SLC4A4: variants seen among roughly 807,000 people sequenced by gnomAD.
SLC4A4 encodes solute carrier family 4 member 4.
In SLC4A4, 27 loss-of-function variants were observed where a neutral mutation model predicts 111.5. The ratio of observed to expected loss-of-function variants is 0.24; its 90% CI spans 0.18 to 0.33. SLC4A4 has a LOEUF of 0.33. SLC4A4 is among the 10% of genes least tolerant of loss of function. The probability of loss-of-function intolerance (pLI) is 1.00; values close to 1 mark genes in which losing one functional copy is unlikely to be tolerated. For missense variants in SLC4A4, 909 were observed against 1,315.5 expected (o/e 0.69, Z 4.78); for synonymous variants, 443 against 463.4 (o/e 0.96, Z 0.57).
At chr4:71,208,459 A>G (rs2149009634) in intron 1 of SLC4A4, among the ~76,000 whole-genome samples, 1 of 148,450 alleles carries the variant, frequency 6.7e-6, no homozygotes, top group African/African-American at 2.5e-5. Flanking sequence ...TATATATATA[A>G]TAAAACAATG....
chr4:71,116,286 G>C (rs542376477), intron 2 of SLC4A4, among the ~76,000 whole-genome samples: 3 of 152,130 alleles, frequency 2.0e-5, no homozygotes, highest in Admixed American at 6.6e-5. Context: ...AATGTACTTC[G>C]TAGCTTATGT....
chr4:71,141,782 G>T (rs1744005143), intron 2 of SLC4A4, among the ~76,000 whole-genome samples: 1 of 152,026 alleles, frequency 6.6e-6, no homozygotes, highest in Admixed American at 6.5e-5. Flanking sequence ...TTGGATGGAT[G>T]AATCAATTCA....
At chr4:71,131,038 C>T (rs1037637504) in intron 2 of SLC4A4, among the ~76,000 whole-genome samples, 15 of 152,168 alleles carry the variant, frequency 9.9e-5, no homozygotes, top group African/African-American at 3.6e-4. Flanking sequence ...ATGCTAGAAT[C>T]TCAAACTATG....
chr4:71,132,444 G>A (rs1367572915), intron 2 of SLC4A4, among the ~76,000 whole-genome samples: 1 of 152,176 alleles, frequency 6.6e-6, no homozygotes, highest in Non-Finnish European at 1.5e-5. Flanking sequence ...CTGCAGCTGA[G>A]GCTGCTGTTG....
At chr4:71,064,351 G>C (rs543141145) in intron 1 of SLC4A4, among the ~76,000 whole-genome samples, 3 of 152,168 alleles carry the variant, frequency 2.0e-5, no homozygotes, top group Non-Finnish European at 4.4e-5. Flanking sequence ...TAGAGCTATT[G>C]TTAATATGTA....
At chr4:71,253,720 T>A (rs942756992) in intron 2 of SLC4A4, among the ~76,000 whole-genome samples, 2 of 152,258 alleles carry the variant, frequency 1.3e-5, no homozygotes, top group East Asian at 1.9e-4. Flanking sequence ...ACCATTTGCT[T>A]GCAAATGGTT....
chr4:71,557,633 A>G, intron 21 of SLC4A4, 79 bp from the exon 22 acceptor site: 2 of 1,383,684 alleles, frequency 1.4e-6, no homozygotes, highest in Non-Finnish European at 2.1e-6. Context: ...TATAGAATAT[A>G]AATCAGTAGT....
At chr4:71,266,627 T>C (rs1436563589) in intron 3 of SLC4A4, among the ~76,000 whole-genome samples, 1 of 152,204 alleles carries the variant, frequency 6.6e-6, no homozygotes, top group Non-Finnish European at 1.5e-5. Context: ...CTCTTTTTTT[T>C]CTGGCCAGAA....
At chr4:71,087,645 C>T (rs1381690298) in intron 1 of SLC4A4, among the ~76,000 whole-genome samples, 2 of 151,974 alleles carry the variant, frequency 1.3e-5, no homozygotes, top group Admixed American at 6.6e-5. Context: ...TTTATTTCTG[C>T]CTTCATTTTG....
intron 7 of SLC4A4, among the ~76,000 whole-genome samples, chr4:71,412,974 A>G (rs1044600180): frequency 1.6e-4 from 25 of 152,188 alleles, no homozygotes; most frequent in African/African-American, 5.6e-4. Context: ...TCAGGTCAAT[A>G]TGTCAGTTAA....
intron 5 of SLC4A4, among the ~76,000 whole-genome samples, chr4:71,351,693 T>C (rs1429394238): frequency 6.6e-6 from 1 of 152,120 alleles, no homozygotes; most frequent in East Asian, 1.9e-4. Flanking sequence ...CACTCCTGCC[T>C]CTACTAAAAA....
chr4:71,192,004 G>A (rs772825001), intron 1 of SLC4A4, among the ~76,000 whole-genome samples: 1 of 152,144 alleles, frequency 6.6e-6, no homozygotes, highest in Non-Finnish European at 1.5e-5. Context: ...AATGAGAAAG[G>A]AGTATGTTAT....
At chr4:71,406,759 G>A (rs1720888465) in intron 7 of SLC4A4, among the ~76,000 whole-genome samples, 1 of 150,684 alleles carries the variant, frequency 6.6e-6, no homozygotes, top group Non-Finnish European at 1.5e-5. Context: ...AGTGTTCCAT[G>A]CATACACATA....
At chr4:71,200,000 G>T (rs868052708) in intron 1 of SLC4A4, among the ~76,000 whole-genome samples, 1 of 152,156 alleles carries the variant, frequency 6.6e-6, no homozygotes, top group Non-Finnish European at 1.5e-5. Context: ...GCAGGTTAGA[G>T]CATGTGGCCC....
chr4:71,294,002 T>G (rs1437412340), intron 3 of SLC4A4, among the ~76,000 whole-genome samples: 1 of 152,138 alleles, frequency 6.6e-6, no homozygotes, highest in Non-Finnish European at 1.5e-5. Context: ...AAAGAAATTC[T>G]GAGAAAAAAG....
At chr4:71,267,866 G>A (rs1363856664) in intron 3 of SLC4A4, among the ~76,000 whole-genome samples, 3 of 147,822 alleles carry the variant, frequency 2.0e-5, no homozygotes, top group African/African-American at 5.0e-5. Flanking sequence ...TGTATTAAAT[G>A]CCATGATAAA....
intron 16 of SLC4A4, among the ~76,000 whole-genome samples, chr4:71,517,365 G>T (rs1732502882): frequency 6.6e-6 from 1 of 151,078 alleles, no homozygotes; most frequent in South Asian, 2.1e-4. Flanking sequence ...GATCAGTTCT[G>T]CTGTTGATGC....
In SLC4A4 at chr4:71,363,342, C is replaced by A. The variant is rs1467954115; in HGVS notation, c.730+6155C>A. 4.6e-5 allele frequency among the ~76,000 whole-genome samples: 7 copies of A among 152,272 alleles called. No homozygotes were observed. In the South Asian group the frequency reaches 1.5e-3, roughly 32 times the overall value. Reference sequence around the variant, plus strand: ...CAGACTATTTGGTTTGATATTAGATCCAGATGCCTTGACACTGGCTTATTT... The same window carrying A: ...CAGACTATTTGGTTTGATATTAGATACAGATGCCTTGACACTGGCTTATTT... On this transcript the variant is annotated intron_variant, in intron 6 of 25. Transcript: ENST00000264485.
At chr4:71,401,932 T>A (rs1449261217) in intron 7 of SLC4A4, among the ~76,000 whole-genome samples, 1 of 152,184 alleles carries the variant, frequency 6.6e-6, no homozygotes, top group Non-Finnish European at 1.5e-5. Flanking sequence ...GCTTATCTGG[T>A]TATTATTTCT....
Sources: gnomAD v4.1 joint callset for allele counts (sites outside exome capture counted in the v4.1 genomes callset) on GRCh38, gnomAD v4.1.1 for gene constraint, MANE v1.5 for transcripts, NCBI Gene and HGNC (gene_info 2026-07-23, HGNC 2026-07-21) for gene names.